The following CA5A variants were observed in gnomAD, a reference collection of about 807,000 sequenced individuals.
The protein encoded by CA5A is carbonic anhydrase 5A, mitochondrial.
Under a neutral mutation model 37.1 loss-of-function variants are expected in CA5A, and 28 were observed. The ratio of observed to expected loss-of-function variants is 0.75; its 90% CI spans 0.56 to 1.03. The LOEUF is 1.03. Among genes scored for constraint, CA5A ranks in the 50% least tolerant of loss-of-function variants. CA5A has a pLI of 0.00. For missense variants in CA5A, 444 were observed against 399.9 expected (o/e 1.11, Z -0.94); for synonymous variants, 171 against 158.4 (o/e 1.08, Z -0.60).
At chr16:87,924,813 G>A (rs1011572110) in intron 2 of CA5A, among the ~76,000 whole-genome samples, 7 of 152,240 alleles carry the variant, frequency 4.6e-5, no homozygotes, top group African/African-American at 1.7e-4. Context: ...CTTGGATAAC[G>A]CAGAAGCGTG....
chr16:87,900,868 T>A (rs1418794272), intron 5 of CA5A, among the ~76,000 whole-genome samples: 1 of 152,252 alleles, frequency 6.6e-6, no homozygotes, highest in East Asian at 1.9e-4. Context: ...ACAAACTTTA[T>A]CATTAGTGAA....
At chr16:87,929,451 CAAAA>C (rs138039345) in intron 1 of CA5A, among the ~76,000 whole-genome samples, 23,299 of 87,976 alleles carry the variant, frequency 0.26, 1,980 homozygotes, top group Admixed American at 0.37. Context: ...AATTCGGTCT[CAAAA>C]AAAAAAAAAA....
intron 4 of CA5A, chr16:87,882,660 G>A (rs1386524415): frequency 6.6e-6 from 1 of 152,254 alleles, no homozygotes; most frequent in South Asian, 2.1e-4. Context: ...GCTGCTGAAT[G>A]TGCACAACAC....
At position 87,888,050 on chromosome 16, in the gene CA5A, A is replaced by G; in HGVS notation, c.*79T>C. ...CTCTTTTTAATTTCAGAAGTCATGT[A>G]CAATCACATTGTGAAACTTGGGAAA... On this transcript the variant is annotated 3_prime_UTR_variant, in exon 7 of 7. Coordinates refer to ENST00000649794, the MANE Select transcript of CA5A (RefSeq NM_001739.2). 6.6e-7 allele frequency: 1 copy of G among 1,512,818 alleles called. No homozygotes were observed. The highest frequency in any genetic ancestry group is 8.9e-7 in the Non-Finnish European group (1 of 1,127,180). 93.7% of individuals were successfully genotyped at this position (1,512,818 alleles called of 1,614,324 possible). A position where few individuals can be genotyped will look rare whatever the true frequency, so the allele number is the denominator to read the frequency against.
At chr16:87,889,920 G>T (rs138818174) in intron 6 of CA5A, among the ~76,000 whole-genome samples, 14 of 152,336 alleles carry the variant, frequency 9.2e-5, no homozygotes, top group Non-Finnish European at 1.6e-4. Flanking sequence ...ACAGCATACT[G>T]GTCCAGTTAG....
intron 2 of CA5A, chr16:87,923,631 G>C: frequency 1.0e-6 from 1 of 985,272 alleles, no homozygotes; most frequent in Non-Finnish European, 1.2e-6. Flanking sequence ...ACCAGCTGAG[G>C]GCTGGGTGTC....
At chr16:87,917,507 C>G (rs544632337) in intron 2 of CA5A, among the ~76,000 whole-genome samples, 1 of 152,330 alleles carries the variant, frequency 6.6e-6, no homozygotes, top group East Asian at 1.9e-4. Flanking sequence ...TGACTTCTAC[C>G]TAACTTCCCC....
chr16:87,912,380 C>T (rs1597567360), intron 2 of CA5A, among the ~76,000 whole-genome samples: 1 of 152,172 alleles, frequency 6.6e-6, no homozygotes, highest in Non-Finnish European at 1.5e-5. Flanking sequence ...GGCAGAGATC[C>T]GCAGTCCCCT....
intron 2 of CA5A, among the ~76,000 whole-genome samples, chr16:87,919,401 C>A (rs896715340): frequency 2.0e-5 from 3 of 152,208 alleles, no homozygotes; most frequent in African/African-American, 7.2e-5. Flanking sequence ...CAAAGCCGGG[C>A]CCCTGAGAAT....
intron 2 of CA5A, among the ~76,000 whole-genome samples, chr16:87,919,138 G>A (rs2144035625): frequency 6.6e-6 from 1 of 152,270 alleles, no homozygotes; most frequent in East Asian, 1.9e-4. Flanking sequence ...CAAAAGTGGG[G>A]TCGGGACAAG....
At position 87,893,010 on chromosome 16, in the gene CA5A, C is replaced by G. The variant is rs563849496; in HGVS notation, c.619-1056G>C. ...GAAGGATGTCCACATGCCTAAGCAC[C>G]CGGAGATGGCAGACAAGAATGTGCC... On this transcript the variant is annotated intron_variant, in intron 5 of 6. Transcript: ENST00000649794. The G allele has an allele frequency of 9.7e-6, 12 of 1,238,994 alleles. No homozygotes were observed. In the African/African-American group the frequency reaches 1.4e-4, roughly 14 times the overall value. 76.8% of individuals were successfully genotyped at this position (1,238,994 alleles called of 1,614,324 possible).
chr16:87,905,025 T>G, intron 2 of CA5A, 121 bp from the exon 3 acceptor site: 1 of 715,098 alleles, frequency 1.4e-6, no homozygotes, highest in South Asian at 1.6e-5. Flanking sequence ...TGCTGTATGG[T>G]TGAAGTGACA....
chr16:87,893,439 T>C (rs1281504256), intron 5 of CA5A: 1 of 528,780 alleles, frequency 1.9e-6, no homozygotes, highest in African/African-American at 1.9e-5. Context: ...CCTGGAGACA[T>C]TTCTACTGCT....
At chr16:87,928,314 C>T (rs1257638013) in intron 1 of CA5A, among the ~76,000 whole-genome samples, 1 of 152,178 alleles carries the variant, frequency 6.6e-6, no homozygotes, top group Non-Finnish European at 1.5e-5. Context: ...CAGGTAAACA[C>T]CACCATGCCT....
At chr16:87,916,118 A>G (rs534955820) in intron 2 of CA5A, among the ~76,000 whole-genome samples, 10 of 149,064 alleles carry the variant, frequency 6.7e-5, no homozygotes, top group African/African-American at 2.5e-4. Flanking sequence ...CAGTGAGCAG[A>G]GATCGCGCCA....
intron 2 of CA5A, among the ~76,000 whole-genome samples, chr16:87,921,355 G>A (rs1567532649): frequency 6.6e-6 from 1 of 152,224 alleles, no homozygotes; most frequent in Non-Finnish European, 1.5e-5. Context: ...CAGAGGCCCC[G>A]AAATTGGCTT....
chr16:87,928,760 G>GTTTTTT (rs60994571), intron 1 of CA5A, among the ~76,000 whole-genome samples: 1 of 57,924 alleles, frequency 1.7e-5, no homozygotes. Flanking sequence ...TCTTTTCTTT[G>GTTTTTT]TTTTTTTTTT....
intron 5 of CA5A, among the ~76,000 whole-genome samples, chr16:87,900,448 G>C (rs1489435383): frequency 2.6e-5 from 4 of 152,246 alleles, no homozygotes; most frequent in African/African-American, 4.8e-5. Context: ...AGGAAGGGCT[G>C]GTCCCAGCTC....
chr16:87,896,681 C>A (rs1254829039), intron 5 of CA5A, among the ~76,000 whole-genome samples: 1 of 152,240 alleles, frequency 6.6e-6, no homozygotes, highest in Non-Finnish European at 1.5e-5. Context: ...ACTCTTGTTG[C>A]TCAGGCTGGA....
Sources: allele counts gnomAD v4.1 joint callset (sites outside exome capture counted in the v4.1 genomes callset), GRCh38; gene constraint gnomAD v4.1.1; transcripts MANE v1.5; gene names NCBI Gene and HGNC (gene_info 2026-07-23, HGNC 2026-07-21).